TENM3: variants seen among roughly 807,000 people sequenced by gnomAD.
The protein encoded by TENM3 is teneurin-3.
Under a neutral mutation model 255.1 loss-of-function variants are expected in TENM3, and 63 were observed. The ratio of observed to expected loss-of-function variants is 0.25; its 90% CI spans 0.20 to 0.30. The LOEUF (loss-of-function observed/expected upper bound fraction) is 0.30, where lower values mean the gene tolerates loss of function less well. Among genes scored for constraint, TENM3 ranks in the 10% least tolerant of loss-of-function variants. TENM3 has a pLI of 1.00. For missense variants in TENM3, 2,929 were observed against 3,461.1 expected, an observed-to-expected ratio of 0.85 and a Z score of 3.86; for synonymous variants, 1,306 against 1,322.3, an observed-to-expected ratio of 0.99 and a Z score of 0.27.
chr4:182,329,318 C>A (rs551158415), intron 2 of TENM3, among the ~76,000 whole-genome samples: 1 of 152,332 alleles, frequency 6.6e-6, no homozygotes, highest in African/African-American at 2.4e-5. Context: ...GGCTGACCTG[C>A]CCCTCCCATG....
At position 182,736,894 on chromosome 4, in the gene TENM3, C is replaced by T; in HGVS notation, c.3054C>T (p.Leu1018=). 6.2e-7 allele frequency: 1 copy of T among 1,613,772 alleles called. No individual in the cohort carries two copies. The highest frequency in any genetic ancestry group is 1.1e-5 in the South Asian group (1 of 91,080). ...GAGCTGCAGGGTATAAGTCAGTTCT[C>T]AAGATCACCATGACCCAGTCTATTA... The part of the protein sequence containing the change: ...SSRAAGYKSV[L]KITMTQSIIP... Residue 1018 remains leucine, a synonymous_variant, in exon 17 of 28, where the codon CTC becomes CTT. Transcript: ENST00000511685.
intron 1 of TENM3, among the ~76,000 whole-genome samples, chr4:182,183,762 A>G (rs1752979261): frequency 6.6e-6 from 1 of 152,214 alleles, no homozygotes; most frequent in African/African-American, 2.4e-5. Flanking sequence ...TATCTAGATC[A>G]TATTATATTA....
chr4:182,077,992 A>G, the TENM3 span, among the ~76,000 whole-genome samples: 2 of 152,170 alleles, frequency 1.3e-5, no homozygotes, highest in Non-Finnish European at 2.9e-5. Context: ...CAACAAGCAA[A>G]AACTGGTATC....
chr4:182,387,507 C>G (rs1044723531), intron 3 of TENM3, among the ~76,000 whole-genome samples: 2 of 152,124 alleles, frequency 1.3e-5, no homozygotes, highest in African/African-American at 2.4e-5. Context: ...AGAAGGCTGC[C>G]GGAGCCAGCA....
intron 5 of TENM3, 21 bp from the exon 6 acceptor site, chr4:182,653,750 A>G (rs766904246): frequency 1.3e-6 from 2 of 1,593,286 alleles, no homozygotes; most frequent in Admixed American, 1.8e-5. Flanking sequence ...TCTTTAAACA[A>G]CTTGTGTTCT....
chr4:182,365,143 G>A (rs950392306), intron 3 of TENM3, among the ~76,000 whole-genome samples: 2 of 152,150 alleles, frequency 1.3e-5, no homozygotes, highest in African/African-American at 2.4e-5. Flanking sequence ...ATTTGTATTC[G>A]TTTGATTAGT....
chr4:181,971,011 G>A, the TENM3 span, among the ~76,000 whole-genome samples: 10 of 152,088 alleles, frequency 6.6e-5, no homozygotes, highest in South Asian at 8.3e-4. Flanking sequence ...GCAGTGGTGC[G>A]ATCACTGCTC....
intron 1 of TENM3, among the ~76,000 whole-genome samples, chr4:182,304,539 C>A (rs1375648036): frequency 6.6e-6 from 1 of 151,964 alleles, no homozygotes; most frequent in Non-Finnish European, 1.5e-5. Context: ...TTAAAATTGG[C>A]TGTATTGTCT....
At chr4:182,584,287 A>G (rs2056044) in intron 3 of TENM3, among the ~76,000 whole-genome samples, 83,866 of 152,010 alleles carry the variant, frequency 0.55, 24,583 homozygotes, top group East Asian at 0.68. Context: ...CTATGACAAC[A>G]TGACATTGAA....
At chr4:182,376,086 A>C (rs1005084925) in intron 3 of TENM3, among the ~76,000 whole-genome samples, 2 of 152,222 alleles carry the variant, frequency 1.3e-5, no homozygotes, top group Non-Finnish European at 2.9e-5. Context: ...TTATTTTCCT[A>C]ATCTTGAGTA....
chr4:182,503,847 C>T (rs575884566), intron 3 of TENM3, among the ~76,000 whole-genome samples: 69 of 152,170 alleles, frequency 4.5e-4, no homozygotes, highest in African/African-American at 1.6e-3. Flanking sequence ...GAGACTTACT[C>T]CTTACTTCCT....
At chr4:182,748,832 A>G (rs1674992992) in intron 19 of TENM3, among the ~76,000 whole-genome samples, 1 of 152,204 alleles carries the variant, frequency 6.6e-6, no homozygotes, top group African/African-American at 2.4e-5. Context: ...TCTTCTGGAC[A>G]ATAGAGTTGT....
rs1245914733 is a variant in TENM3, at chr4:182,775,102, C to A, written c.5253C>A (p.Phe1751Leu). 3 of 1,613,974 alleles carry A rather than the reference C, an allele frequency of 1.9e-6. No individual in the cohort carries two copies. The South Asian group carries it at 3.3e-5, about 18-fold the overall frequency. Residue 1751 changes from phenylalanine to leucine, a missense_variant, in exon 24 of 28, where the codon TTC (phenylalanine) becomes TTA (leucine). Physicochemically the swap from Phe to Leu is conservative, Grantham distance 22. Around this residue, in one of 6 missense-constraint regions of TENM3, gnomAD observed 303 missense variants for 425.2 expected, o/e 0.71. Coordinates refer to ENST00000511685, the MANE Select transcript of TENM3 (RefSeq NM_001080477.4). ...ENGQNLVEWRFRKEQAQGKVN... is the reference protein window; with the variant it reads ...ENGQNLVEWRLRKEQAQGKVN... ...GTCAAAACTTGGTGGAATGGAGATTCCGAAAAGAGCAAGCCCAAGGGAAAG... is the reference window on the plus strand; with the variant it reads ...GTCAAAACTTGGTGGAATGGAGATTACGAAAAGAGCAAGCCCAAGGGAAAG...
At chr4:181,639,363 T>C in the TENM3 span, among the ~76,000 whole-genome samples, 1 of 152,224 alleles carries the variant, frequency 6.6e-6, no homozygotes, top group African/African-American at 2.4e-5. Context: ...GAGCACCTCA[T>C]TGTGACCATC....
the TENM3 span, among the ~76,000 whole-genome samples, chr4:181,995,293 C>CA: frequency 2.6e-3 from 328 of 124,798 alleles, 4 homozygotes; most frequent in East Asian, 0.011. Context: ...CTGTCTCAAA[C>CA]AAAAAAAAAA....
chr4:182,537,843 T>C (rs1039446247), intron 3 of TENM3, among the ~76,000 whole-genome samples: 21 of 152,246 alleles, frequency 1.4e-4, no homozygotes, highest in African/African-American at 4.8e-4. Context: ...TACAGTGTTC[T>C]GTGAATGTGC....
the TENM3 span, among the ~76,000 whole-genome samples, chr4:181,637,064 G>C: frequency 3.3e-5 from 5 of 152,182 alleles, no homozygotes; most frequent in Admixed American, 3.3e-4. Context: ...CATATGCCTT[G>C]CTCTCTGCCG....
chr4:182,750,631 G>A (rs1037620602), intron 19 of TENM3, among the ~76,000 whole-genome samples: 1 of 152,032 alleles, frequency 6.6e-6, no homozygotes, highest in South Asian at 2.1e-4. Context: ...ATTCATATAG[G>A]TAGATTTATT....
chr4:181,818,368 A>T, the TENM3 span, among the ~76,000 whole-genome samples: 1 of 152,134 alleles, frequency 6.6e-6, no homozygotes, highest in Non-Finnish European at 1.5e-5. Flanking sequence ...CTGGAGAATA[A>T]ATTCTGCCTG....
Sources: allele counts gnomAD v4.1 joint callset (sites outside exome capture counted in the v4.1 genomes callset), GRCh38; gene constraint gnomAD v4.1.1; regional missense constraint gnomAD v4.1.1; transcripts MANE v1.5; gene names NCBI Gene and HGNC (gene_info 2026-07-23, HGNC 2026-07-21).